Variants in AMZ1 observed in about 807,000 individuals in gnomAD.
AMZ1 encodes archaemetzincin-1.
Under a neutral mutation model 29.9 loss-of-function variants are expected in AMZ1, and 39 were observed. The observed-to-expected ratio is 1.30, with a 90% CI of 1.01 to 1.70. The LOEUF (loss-of-function observed/expected upper bound fraction) is 1.70. Among genes scored for constraint, AMZ1 ranks in the 40% most tolerant of loss-of-function variants. AMZ1 has a pLI of 0.00. For synonymous variants in AMZ1, 458 were observed against 304.0 expected (o/e 1.51, Z -5.27); for missense variants, 1,041 against 680.6 (o/e 1.53, Z -5.89).
chr7:2,690,225 C>G lies in AMZ1; in HGVS notation c.-219+1929C>G, dbSNP rs186498848. ...TGTGTGTGTGAGAGAGAGAGAGAGA[C>G]AGACAGACAGACAGACAGGGTCTTG... On this transcript the variant is annotated intron_variant, in intron 1 of 6. Coordinates refer to ENST00000683327, the MANE Select transcript of AMZ1 (RefSeq NM_001384743.1). Among the ~76,000 whole-genome samples the G allele has an allele frequency of 1.3e-3, 202 of 150,094 alleles. 1 individual carries two copies. The highest frequency in any genetic ancestry group is 6.6e-3 in the East Asian group (34 of 5,142).
rs763665494 is a variant in AMZ1, at chr7:2,709,125, G to T, written c.652G>T (p.Gly218Trp). 6 of 1,599,266 alleles carry T rather than the reference G, an allele frequency of 3.8e-6. No homozygotes were observed. The highest frequency in any genetic ancestry group is 5.1e-6 in the Non-Finnish European group (6 of 1,173,282). ...GTTCTCAGGGGAATTCCCGAAGTCG[G>T]GGCCCAGCGCCCCTGATCTGGCCCT... ...ARFSGEFPKSGPSAPDLALVE... is the reference protein window; with the variant it reads ...ARFSGEFPKSWPSAPDLALVE... Residue 218 changes from glycine (G) to tryptophan (W), a missense_variant, in exon 5 of 7, where the codon GGG becomes TGG. Coordinates refer to ENST00000683327, the MANE Select transcript of AMZ1 (RefSeq NM_001384743.1).
At chr7:2,762,399 G>A (rs914628221), upstream of AMZ1, 19 of 457,582 alleles carry the variant, frequency 4.2e-5, no homozygotes, top group Non-Finnish European at 7.3e-5. Context: ...CCTCACTGAG[G>A]AAACCAAAGC....
chr7:2,690,895 C>T (rs1189856936), intron 1 of AMZ1, among the ~76,000 whole-genome samples: 2 of 152,050 alleles, frequency 1.3e-5, no homozygotes, highest in African/African-American at 2.4e-5. Context: ...AATCCCAGTG[C>T]TTTGGGAGGC....
rs541957872 is a variant in AMZ1, at chr7:2,745,797, T to C, written n.551-18915T>C. Among the ~76,000 whole-genome samples, 28 of 152,204 alleles carry C rather than the reference T, an allele frequency of 1.8e-4. 1 individual carries two copies. Among genetic ancestry groups the C allele is most frequent in the South Asian group, 4.1e-4 (2 of 4,822 alleles). On this transcript the variant is annotated intron_variant and non_coding_transcript_variant, in intron 4 of 4. Transcript: ENST00000489665. ...CCCATCTCACGTGCAGAGACACACA[T>C]AGGCTCAAAATAAAGGGATGCAGGA... is the stretch of plus-strand genomic sequence containing the variant.
rs1360471957 is a variant in AMZ1, at chr7:2,708,708, C to A, written c.593C>A (p.Pro198Gln). ...AWSFTFSKFL[P>Q]GHEVGVCSFA... The stretch of plus-strand genomic sequence containing the variant: ...AGCTTCACCTTCAGCAAGTTCCTTC[C>A]AGGGCACGGTGAGCCGGGGCCCCAG... The change falls in exon 4 of 7, where the codon CCA becomes CAA. Residue 198 changes from proline (P) to glutamine (Q), a missense_variant. Physicochemically the swap from Pro to Gln is moderately conservative, Grantham distance 76. Coordinates refer to ENST00000683327, the MANE Select transcript of AMZ1 (RefSeq NM_001384743.1). The A allele has an allele frequency of 1.2e-6, 2 of 1,612,756 alleles. No homozygotes were observed. The highest frequency in any genetic ancestry group is 1.7e-5 in the Admixed American group (1 of 60,028).
chr7:2,715,663 G>C lies in AMZ1; in HGVS notation c.*2785G>C, dbSNP rs1323815555. 1.3e-5 allele frequency: 2 copies of C among 151,464 alleles called. No homozygotes were observed. Among genetic ancestry groups the C allele is most frequent in the African/African-American group, 4.9e-5 (2 of 41,150 alleles). The allele number at this position is 151,464 out of a possible 1,614,324, so 9.4% of individuals were successfully genotyped here. ...AGACAGCTGTTAGAAGGACTGTTTTGAAATGCAACTTTGAGGAAGAGAAAT... is the reference window on the plus strand; with the variant it reads ...AGACAGCTGTTAGAAGGACTGTTTTCAAATGCAACTTTGAGGAAGAGAAAT... On this transcript the variant is annotated 3_prime_UTR_variant, in exon 7 of 7. Coordinates refer to ENST00000683327, the MANE Select transcript of AMZ1 (RefSeq NM_001384743.1).
chr7:2,744,895 G>A (rs372515308), intron 4 of AMZ1, among the ~76,000 whole-genome samples: 17 of 152,170 alleles, frequency 1.1e-4, no homozygotes, highest in African/African-American at 2.9e-4. Flanking sequence ...GAGCCGATGC[G>A]ATGAACTGGA....
intron 4 of AMZ1, among the ~76,000 whole-genome samples, chr7:2,757,128 C>CTTTTTTTT (rs1562409543): frequency 7.8e-5 from 9 of 115,136 alleles, no homozygotes; most frequent in African/African-American, 1.6e-4. Context: ...ATCAGGTGGG[C>CTTTTTTTT]CTTTTTTTTT....
chr7:2,712,452 CTCGGAGCCCGGCACCAGTGTG>C lies in AMZ1; in HGVS notation c.1081_1101del (p.Gly361_Pro367del), dbSNP rs751841675. 7 of 1,611,544 alleles carry C rather than the reference CTCGGAGCCCGGCACCAGTGTG, an allele frequency of 4.3e-6. No individual in the cohort carries two copies. Among genetic ancestry groups the C allele is most frequent in the Admixed American group, 1.7e-5 (1 of 59,982 alleles). ...ACTCGGGCATGTGCTGTGAGAGTGA[CTCGGAGCCCGGCACCAGTGTG>C]TCGGAGCCCCTCACCCCTGATGCCG... On this transcript the variant is annotated inframe_deletion, in exon 7 of 7. Transcript: ENST00000683327.
At chr7:2,726,241 C>T (rs1273172763) in intron 4 of AMZ1, among the ~76,000 whole-genome samples, 1 of 152,206 alleles carries the variant, frequency 6.6e-6, no homozygotes, top group Non-Finnish European at 1.5e-5. Context: ...ACCCACCATC[C>T]CCGCAATTCT....
intron 1 of AMZ1, among the ~76,000 whole-genome samples, chr7:2,696,801 G>A (rs936255110): frequency 3.9e-5 from 6 of 152,118 alleles, no homozygotes; most frequent in Non-Finnish European, 5.9e-5. Flanking sequence ...CAGGAGAATC[G>A]CTTGAACCCA....
At chr7:2,689,633 C>T (rs547573267) in intron 1 of AMZ1, among the ~76,000 whole-genome samples, 94 of 152,334 alleles carry the variant, frequency 6.2e-4, no homozygotes, top group Non-Finnish European at 1.1e-3. Flanking sequence ...AGTCACTTAA[C>T]GTCTGAGCCT....
chr7:2,741,008 G>A (rs1790471252), intron 4 of AMZ1, among the ~76,000 whole-genome samples: 1 of 152,164 alleles, frequency 6.6e-6, no homozygotes, highest in South Asian at 2.1e-4. Context: ...TCGGGCCACT[G>A]CACTCCTGCC....
At position 2,754,964 on chromosome 7, in the gene AMZ1, A is replaced by G. The variant is rs552736582; in HGVS notation, n.551-9748A>G. On this transcript the variant is annotated intron_variant and non_coding_transcript_variant, in intron 4 of 4. Coordinates refer to the AMZ1 transcript ENST00000489665. ...GTAACTCAGTTTGAATTAATTTTGT[A>G]TAAGAGATTTAGGTCAAGGTTCACT... Among the ~76,000 whole-genome samples the G allele has an allele frequency of 4.2e-4, 64 of 152,284 alleles. 1 individual carries two copies. The highest frequency in any genetic ancestry group is 1.1e-3 in the African/African-American group (45 of 41,570).
At chr7:2,693,197 GT>G (rs1310409275) in intron 1 of AMZ1, among the ~76,000 whole-genome samples, 1 of 152,184 alleles carries the variant, frequency 6.6e-6, no homozygotes, top group African/African-American at 2.4e-5. Flanking sequence ...CGCCTCCCGA[GT>G]TTAAGCAATT....
chr7:2,692,440 G>A lies in AMZ1; in HGVS notation c.-219+4144G>A, dbSNP rs542398901. Reference sequence around the variant, plus strand: ...GCCTTTAGTCCCAGCTATTCGGGAGGCTGAGGCAGGAGAATCGCTTTAACC... The same window carrying A: ...GCCTTTAGTCCCAGCTATTCGGGAGACTGAGGCAGGAGAATCGCTTTAACC... On this transcript the variant is annotated intron_variant, in intron 1 of 6. Transcript: ENST00000683327. Among the ~76,000 whole-genome samples, 64 of 152,320 alleles carry A rather than the reference G, an allele frequency of 4.2e-4. 1 individual carries two copies. In the South Asian group the frequency reaches 0.013, roughly 31 times the overall value.
intron 1 of AMZ1, among the ~76,000 whole-genome samples, chr7:2,690,436 G>A (rs532653502): frequency 6.6e-6 from 1 of 152,154 alleles, no homozygotes. Flanking sequence ...CCCCAGGCTG[G>A]TCTCAAACTC....
intron 3 of AMZ1, among the ~76,000 whole-genome samples, chr7:2,704,887 C>T (rs148184995): frequency 5.5e-4 from 84 of 152,210 alleles, no homozygotes; most frequent in African/African-American, 1.6e-3. Flanking sequence ...TGAGCCACTG[C>T]GCCCGGCCCA....
intron 4 of AMZ1, among the ~76,000 whole-genome samples, chr7:2,733,707 C>T (rs150699361): frequency 8.2e-4 from 125 of 152,338 alleles, no homozygotes; most frequent in African/African-American, 2.8e-3. Flanking sequence ...TCTTTAGCTC[C>T]AACCCCAAGG....
Sources: allele counts gnomAD v4.1 joint callset (sites outside exome capture counted in the v4.1 genomes callset), GRCh38; gene constraint gnomAD v4.1.1; transcripts MANE v1.5; gene names NCBI Gene and HGNC (gene_info 2026-07-23, HGNC 2026-07-21).